AUTS2: variants seen among roughly 807,000 people sequenced by gnomAD.
AUTS2 encodes autism susceptibility gene 2 protein.
In AUTS2, 17 loss-of-function variants were observed where a neutral mutation model predicts 112.4. The observed-to-expected ratio is 0.15, with a 90% CI of 0.10 to 0.23. The LOEUF (loss-of-function observed/expected upper bound fraction) is 0.23. Ranked by LOEUF, AUTS2 falls within the 10% of genes least tolerant of loss-of-function variation. The pLI is 1.00. For missense variants in AUTS2, 1,510 were observed against 1,701.6 expected, an observed-to-expected ratio of 0.89 and a Z score of 1.98; for synonymous variants, 751 against 702.7, an observed-to-expected ratio of 1.07 and a Z score of -1.09.
chr7:70,067,910 A>G (rs1802569769), intron 2 of AUTS2, among the ~76,000 whole-genome samples: 1 of 151,972 alleles, frequency 6.6e-6, no homozygotes, highest in South Asian at 2.1e-4. Context: ...ACCCAACATC[A>G]TGCAAATGCA....
intron 4 of AUTS2, among the ~76,000 whole-genome samples, chr7:70,385,291 A>G (rs900636848): frequency 5.3e-5 from 8 of 152,232 alleles, no homozygotes; most frequent in African/African-American, 1.9e-4. Flanking sequence ...GAAGATGTTC[A>G]TTCATAAAAA....
chr7:69,653,643 GTTTT>G (rs745977360), intron 1 of AUTS2, among the ~76,000 whole-genome samples: 1 of 138,692 alleles, frequency 7.2e-6, no homozygotes, highest in African/African-American at 2.6e-5. Flanking sequence ...GGTGGGTTTG[GTTTT>G]TTTTTTTTTT....
chr7:70,642,411 A>G (rs75399438), intron 5 of AUTS2, among the ~76,000 whole-genome samples: 1 of 152,298 alleles, frequency 6.6e-6, no homozygotes, highest in African/African-American at 2.4e-5. Context: ...CACAGATATC[A>G]TTTCACGTGT....
rs1791940573 is a variant in AUTS2 at position 70,791,278 on chromosome 7, C to G, written c.*282C>G. The G allele has an allele frequency of 4.3e-6, 1 of 230,608 alleles. No homozygotes were observed. The highest frequency in any genetic ancestry group is 1.8e-4 in the South Asian group (1 of 5,504). 14.3% of individuals were successfully genotyped at this position (230,608 alleles called of 1,614,324 possible). ...TGAACCAAAACAGTGAAGATGACAACACACACCAATTGGATGATAATTGTA... is the reference window on the plus strand; with the variant it reads ...TGAACCAAAACAGTGAAGATGACAAGACACACCAATTGGATGATAATTGTA... On this transcript the variant is annotated 3_prime_UTR_variant, in exon 19 of 19. Coordinates refer to ENST00000342771, the MANE Select transcript of AUTS2 (RefSeq NM_015570.4).
At chr7:69,905,516 G>T (rs908145437) in intron 2 of AUTS2, among the ~76,000 whole-genome samples, 1 of 152,146 alleles carries the variant, frequency 6.6e-6, no homozygotes, top group African/African-American at 2.4e-5. Flanking sequence ...AGCCTAGAGA[G>T]CCTAGAGTTT....
intron 5 of AUTS2, among the ~76,000 whole-genome samples, chr7:70,616,435 G>A (rs1253182784): frequency 2.0e-5 from 3 of 152,168 alleles, no homozygotes; most frequent in Non-Finnish European, 4.4e-5. Context: ...GGTACCATTC[G>A]GCTTTAACAG....
At chr7:69,857,942 T>C (rs1409122368) in intron 1 of AUTS2, among the ~76,000 whole-genome samples, 3 of 152,220 alleles carry the variant, frequency 2.0e-5, no homozygotes, top group African/African-American at 7.2e-5. Flanking sequence ...GGGTGAATTT[T>C]TGGCAATCTC....
At chr7:70,406,501 G>A (rs542299838) in intron 4 of AUTS2, among the ~76,000 whole-genome samples, 7 of 152,322 alleles carry the variant, frequency 4.6e-5, no homozygotes, top group African/African-American at 1.7e-4. Flanking sequence ...CAGCATCTAT[G>A]TTGGGCCCCG....
intron 2 of AUTS2, among the ~76,000 whole-genome samples, chr7:70,077,910 C>T (rs966955891): frequency 6.6e-6 from 1 of 152,216 alleles, no homozygotes; most frequent in East Asian, 1.9e-4. Flanking sequence ...CTGAATTCTA[C>T]CACCCTGAAG....
intron 1 of AUTS2, among the ~76,000 whole-genome samples, chr7:69,811,896 C>G (rs1790560722): frequency 6.6e-6 from 1 of 152,186 alleles, no homozygotes; most frequent in Non-Finnish European, 1.5e-5. Context: ...TTTCCCCACC[C>G]CCACAGTGCC....
chr7:70,186,249 T>C (rs1809599345), intron 4 of AUTS2, among the ~76,000 whole-genome samples: 1 of 152,186 alleles, frequency 6.6e-6, no homozygotes, highest in South Asian at 2.1e-4. Flanking sequence ...CAAACTGGCT[T>C]ACAGGAATGT....
chr7:70,768,168 C>A, intron 10 of AUTS2, 100 bp downstream of exon 10: 1 of 1,206,906 alleles, frequency 8.3e-7, no homozygotes, highest in Non-Finnish European at 1.2e-6. Flanking sequence ...CCTTAATCAT[C>A]TTTGCAAGAG....
At chr7:70,420,095 C>T (rs564538872) in intron 4 of AUTS2, among the ~76,000 whole-genome samples, 66 of 152,164 alleles carry the variant, frequency 4.3e-4, no homozygotes, top group Non-Finnish European at 8.1e-4. Flanking sequence ...CAGAGCGAGG[C>T]TTTCTACACA....
At chr7:70,344,789 A>G (rs1791420432) in intron 4 of AUTS2, among the ~76,000 whole-genome samples, 1 of 152,144 alleles carries the variant, frequency 6.6e-6, no homozygotes, top group South Asian at 2.1e-4. Flanking sequence ...TAGAATTACC[A>G]ATACTGCTTG....
At chr7:69,844,542 C>A (rs1048881642) in intron 1 of AUTS2, among the ~76,000 whole-genome samples, 1 of 152,080 alleles carries the variant, frequency 6.6e-6, no homozygotes, top group Admixed American at 6.5e-5. Flanking sequence ...GACCCTCTTT[C>A]AGATATGAGT....
At chr7:70,456,141 C>G (rs1049337948) in intron 5 of AUTS2, among the ~76,000 whole-genome samples, 3 of 152,214 alleles carry the variant, frequency 2.0e-5, no homozygotes, top group Non-Finnish European at 2.9e-5. Flanking sequence ...CCTAACCCAG[C>G]ACGGAAGTTC....
chr7:70,520,514 C>G (rs556547660), intron 5 of AUTS2, among the ~76,000 whole-genome samples: 1 of 152,168 alleles, frequency 6.6e-6, no homozygotes, highest in South Asian at 2.1e-4. Context: ...TCATCCAGGT[C>G]CCACCTTTAG....
chr7:69,707,859 G>A (rs569322635), intron 1 of AUTS2, among the ~76,000 whole-genome samples: 1 of 152,322 alleles, frequency 6.6e-6, no homozygotes, highest in South Asian at 2.1e-4. Flanking sequence ...GCTTTGCAGA[G>A]TAGGTCTTAG....
At chr7:69,699,709 A>G (rs556050657) in intron 1 of AUTS2, among the ~76,000 whole-genome samples, 33 of 149,202 alleles carry the variant, frequency 2.2e-4, no homozygotes, top group Admixed American at 1.9e-3. Flanking sequence ...CAGTGGCACA[A>G]TCTCGGCTCA....
Sources: gnomAD v4.1 joint callset for allele counts (sites outside exome capture counted in the v4.1 genomes callset) on GRCh38, gnomAD v4.1.1 for gene constraint, MANE v1.5 for transcripts, NCBI Gene and HGNC (gene_info 2026-07-23, HGNC 2026-07-21) for gene names.